The following TSHZ3 variants were observed in gnomAD, a reference collection of about 807,000 sequenced individuals.
TSHZ3 encodes the protein teashirt homolog 3.
Under a neutral mutation model 64.5 loss-of-function variants are expected in TSHZ3, and 10 were observed. The ratio of observed to expected loss-of-function variants is 0.16; its 90% CI spans 0.10 to 0.26. TSHZ3 has a LOEUF of 0.26. Ranked by LOEUF, TSHZ3 falls within the 10% of genes least tolerant of loss-of-function variation. TSHZ3 has a pLI of 1.00. For missense variants in TSHZ3, 1,242 were observed against 1,421.7 expected (o/e 0.87, Z 2.03); for synonymous variants, 608 against 593.1 (o/e 1.03, Z -0.36).
chr19:31,231,404 G>A (rs980270299), intron 3 of TSHZ3, among the ~76,000 whole-genome samples: 3 of 152,080 alleles, frequency 2.0e-5, no homozygotes, highest in Non-Finnish European at 2.9e-5. Context: ...CACATGCCCC[G>A]ATCCCGACTT....
intron 3 of TSHZ3, among the ~76,000 whole-genome samples, chr19:31,230,856 C>G (rs1030330358): frequency 1.6e-4 from 24 of 151,804 alleles, no homozygotes; most frequent in African/African-American, 4.8e-4. Context: ...CCTGCCACCA[C>G]GCGCGGCTAA....
intron 1 of TSHZ3, among the ~76,000 whole-genome samples, chr19:31,259,612 G>A (rs1009260865): frequency 4.0e-5 from 6 of 151,782 alleles, no homozygotes; most frequent in Non-Finnish European, 7.4e-5. Context: ...GAGCTCACCT[G>A]TCCCTGGGTA....
chr19:31,150,772 G>T (rs924220383), exon 7 of TSHZ3, among the ~76,000 whole-genome samples: 1 of 152,078 alleles, frequency 6.6e-6, no homozygotes, highest in African/African-American at 2.4e-5. Flanking sequence ...AGGAATGGGC[G>T]TTGGGCACAC....
intron 1 of TSHZ3, among the ~76,000 whole-genome samples, chr19:31,293,760 A>G (rs966360107): frequency 3.3e-5 from 5 of 152,198 alleles, no homozygotes; most frequent in African/African-American, 1.2e-4. Context: ...TTCTCTTTCC[A>G]TATACACTAC....
At chr19:31,258,546 A>G (rs1303949158) in intron 1 of TSHZ3, among the ~76,000 whole-genome samples, 1 of 152,034 alleles carries the variant, frequency 6.6e-6, no homozygotes, top group African/African-American at 2.4e-5. Flanking sequence ...CATGAGAGTA[A>G]ATGTTTATTT....
intron 1 of TSHZ3, among the ~76,000 whole-genome samples, chr19:31,269,691 G>A (rs2145204910): frequency 6.6e-6 from 1 of 152,130 alleles, no homozygotes; most frequent in East Asian, 1.9e-4. Context: ...TTCCTGCTGT[G>A]GAAGAAAAAA....
intron 1 of TSHZ3, among the ~76,000 whole-genome samples, chr19:31,324,714 CCCCA>C: frequency 6.6e-6 from 1 of 152,326 alleles, no homozygotes; most frequent in Non-Finnish European, 1.5e-5. Context: ...CAAGGGACAA[CCCCA>C]CTTAGAAAGG....
intron 1 of TSHZ3, among the ~76,000 whole-genome samples, chr19:31,284,887 A>G (rs1031655791): frequency 1.3e-4 from 20 of 152,204 alleles, no homozygotes; most frequent in African/African-American, 3.9e-4. Flanking sequence ...ATGAATGAAT[A>G]TCATAGACAG....
chr19:31,255,269 C>T (rs1035905607), intron 1 of TSHZ3, among the ~76,000 whole-genome samples: 39 of 152,170 alleles, frequency 2.6e-4, no homozygotes, highest in African/African-American at 8.7e-4. Flanking sequence ...GCAGTGAGGA[C>T]GGGCTCTGCT....
Position 31,185,427 on chromosome 19 carries a change from G to T in TSHZ3, n.809+19529C>A, listed in dbSNP as rs186836536. On this transcript the variant is annotated intron_variant and non_coding_transcript_variant, in intron 5 of 6. Transcript: ENST00000651361. Reference sequence around the variant, plus strand: ...AGGAGTGATGTCAGACAAACCAGAGGGGAAGATCAGAATAGGGGTGTGCTT... The same window carrying T: ...AGGAGTGATGTCAGACAAACCAGAGTGGAAGATCAGAATAGGGGTGTGCTT... 5.8e-4 allele frequency among the ~76,000 whole-genome samples: 88 copies of T among 152,300 alleles called. 1 individual carries two copies. Among genetic ancestry groups the T allele is most frequent in the African/African-American group, 1.9e-3 (80 of 41,558 alleles).
intron 1 of TSHZ3, among the ~76,000 whole-genome samples, chr19:31,293,416 C>T (rs542416267): frequency 6.6e-6 from 1 of 152,290 alleles, no homozygotes; most frequent in African/African-American, 2.4e-5. Flanking sequence ...TGTCCACTGC[C>T]CCCTCCACAC....
chr19:31,335,575 T>C (rs1273359738), intron 1 of TSHZ3, among the ~76,000 whole-genome samples: 2 of 152,234 alleles, frequency 1.3e-5, no homozygotes, highest in Non-Finnish European at 2.9e-5. Context: ...AGAGACTGGT[T>C]GTCTCCCACT....
At chr19:31,179,014 CTGATGA>C (rs760717001) in intron 5 of TSHZ3, among the ~76,000 whole-genome samples, 29 of 112,090 alleles carry the variant, frequency 2.6e-4, no homozygotes, top group African/African-American at 8.7e-4. Flanking sequence ...GCAGAAGGCA[CTGATGA>C]TGATGATGAT....
intron 1 of TSHZ3, among the ~76,000 whole-genome samples, chr19:31,263,920 T>C (rs1976015609): frequency 6.6e-6 from 1 of 152,082 alleles, no homozygotes; most frequent in Admixed American, 6.5e-5. Context: ...GCAGAAACAG[T>C]GGGGGAGGAG....
At chr19:31,258,534 G>A (rs1599608754) in intron 1 of TSHZ3, among the ~76,000 whole-genome samples, 2 of 152,188 alleles carry the variant, frequency 1.3e-5, no homozygotes, top group East Asian at 3.9e-4. Flanking sequence ...CACCCTATCA[G>A]GCATGAGAGT....
intron 1 of TSHZ3, among the ~76,000 whole-genome samples, chr19:31,297,424 T>TA (rs1312513079): frequency 1.3e-5 from 2 of 151,756 alleles, no homozygotes; most frequent in Non-Finnish European, 2.9e-5. Context: ...TCCTGTCTCT[T>TA]TTTTTTGCCC....
intron 1 of TSHZ3, among the ~76,000 whole-genome samples, chr19:31,300,541 T>C (rs1162820492): frequency 1.3e-5 from 2 of 152,072 alleles, no homozygotes; most frequent in Admixed American, 6.5e-5. Flanking sequence ...AAAGGGTGAA[T>C]TCCTAGGGAG....
intron 5 of TSHZ3, among the ~76,000 whole-genome samples, chr19:31,198,138 T>C (rs1975019443): frequency 6.6e-6 from 1 of 152,122 alleles, no homozygotes; most frequent in Non-Finnish European, 1.5e-5. Flanking sequence ...GCAAAAACAG[T>C]TCAATATTTG....
Position 31,181,853 on chromosome 19 carries a change from TTTATTCTGGCTAA to T in TSHZ3, n.809+23090_809+23102del, listed in dbSNP as rs568764431. On this transcript the variant is annotated intron_variant and non_coding_transcript_variant, in intron 5 of 6. Transcript: ENST00000651361. The stretch of plus-strand genomic sequence containing the variant: ...AAAATTGCCACCTCGTTGTGGATGC[TTTATTCTGGCTAA>T]TTAGCACTGATGAGGAATCCTGGGT... 1.3e-3 allele frequency among the ~76,000 whole-genome samples: 197 copies of T among 152,304 alleles called. 1 individual carries two copies. The highest frequency in any genetic ancestry group is 4.4e-3 in the African/African-American group (184 of 41,572).
Sources: allele counts gnomAD v4.1 joint callset (sites outside exome capture counted in the v4.1 genomes callset), GRCh38; gene constraint gnomAD v4.1.1; transcripts MANE v1.5; gene names NCBI Gene and HGNC (gene_info 2026-07-23, HGNC 2026-07-21).